SEZ6L: variants seen among roughly 807,000 people sequenced by gnomAD.
The protein encoded by SEZ6L is seizure related 6 homolog like.
SEZ6L carries 37 observed loss-of-function variants against 106.2 expected under a neutral mutation model. The ratio of observed to expected loss-of-function variants is 0.35; its 90% CI spans 0.27 to 0.46. SEZ6L has a LOEUF of 0.46. Among genes scored for constraint, SEZ6L ranks in the 20% least tolerant of loss-of-function variants. SEZ6L has a pLI of 1.00. For missense variants in SEZ6L, 1,172 were observed against 1,332.8 expected (o/e 0.88, Z 1.88); for synonymous variants, 541 against 570.4 (o/e 0.95, Z 0.73).
At chr22:26,333,347 C>G (rs938759226) in intron 9 of SEZ6L, among the ~76,000 whole-genome samples, 22 of 152,170 alleles carry the variant, frequency 1.4e-4, no homozygotes, top group African/African-American at 5.3e-4. Context: ...AAGGCATGGC[C>G]AACAAGAAGC....
intron 5 of SEZ6L, among the ~76,000 whole-genome samples, chr22:26,302,213 G>A (rs1028228157): frequency 2.6e-5 from 4 of 152,098 alleles, no homozygotes; most frequent in South Asian, 2.1e-4. Context: ...TGTGGTCCTC[G>A]GACTAGCAAA....
chr22:26,382,154 G>T lies in SEZ6L; in HGVS notation c.*1859G>T, dbSNP rs555314462. 2.2e-6 allele frequency: 1 copy of T among 450,636 alleles called. No homozygotes were observed. The allele number at this position is 450,636 out of a possible 1,614,324, so 27.9% of individuals were successfully genotyped here. On this transcript the variant is annotated 3_prime_UTR_variant, in exon 17 of 17. Transcript: ENST00000248933. ...CCATGGCAAGAAATAGCTAAAGGCT[G>T]CTTTCCAGGACCCAAAGCCCCATTT... is the stretch of plus-strand genomic sequence containing the variant.
At chr22:26,224,414 C>T (rs1747980773) in intron 1 of SEZ6L, among the ~76,000 whole-genome samples, 2 of 152,080 alleles carry the variant, frequency 1.3e-5, no homozygotes, top group South Asian at 4.1e-4. Flanking sequence ...TATGAGCTAT[C>T]AGAGAAGGAG....
At chr22:26,334,135 C>T (rs1049900101) in intron 9 of SEZ6L, among the ~76,000 whole-genome samples, 2 of 151,988 alleles carry the variant, frequency 1.3e-5, no homozygotes, top group Non-Finnish European at 2.9e-5. Context: ...ATACAACATA[C>T]AATTAGTCAT....
At chr22:26,218,281 A>G (rs1009862232) in intron 1 of SEZ6L, among the ~76,000 whole-genome samples, 1 of 152,142 alleles carries the variant, frequency 6.6e-6, no homozygotes, top group Non-Finnish European at 1.5e-5. Flanking sequence ...ACATGTGCAG[A>G]ACGTGCAGGT....
Position 26,310,735 on chromosome 22 carries a change from G to A in SEZ6L, c.1580G>A (p.Ser527Asn). ...CTCTACGACTCCCTTCAAACCGAGA[G>A]TGTCCCTTTTGAGGGCCTGCTGAGC... is the stretch of plus-strand genomic sequence containing the variant. Reference protein sequence around the residue: ...ALLYDSLQTESVPFEGLLSEG... With the variant: ...ALLYDSLQTENVPFEGLLSEG... The change falls in exon 7 of 17, where the codon AGT becomes AAT. Residue 527 changes from serine to asparagine, a missense_variant. By Grantham distance (46) the Ser-to-Asn change is conservative (BLOSUM62 1). This residue lies in a region of SEZ6L where 534 missense variants were observed against 691.0 expected (regional missense o/e 0.77). Transcript: ENST00000248933. The A allele has an allele frequency of 6.2e-7, 1 of 1,614,154 alleles. No homozygotes were observed. The highest frequency in any genetic ancestry group is 8.5e-7 in the Non-Finnish European group (1 of 1,180,026).
rs1254829703 is a variant in SEZ6L at position 26,351,128 on chromosome 22, C to A, written c.2484C>A (p.Thr828=). 1 of 1,614,210 alleles carries A rather than the reference C, an allele frequency of 6.2e-7. No individual in the cohort carries two copies. Among genetic ancestry groups the A allele is most frequent in the Non-Finnish European group, 8.5e-7 (1 of 1,180,048 alleles). The change falls in exon 12 of 17, where the codon ACC becomes ACA. Residue 828 remains threonine, a synonymous_variant. Coordinates refer to ENST00000248933, the MANE Select transcript of SEZ6L (RefSeq NM_021115.5). ...CGGATCCTGTGCTGCTGGTGGGGAC[C>A]ACCATCCAATACACCTGCAACCCCG... ...LISDPVLLVG[T]TIQYTCNPGF...
intron 9 of SEZ6L, among the ~76,000 whole-genome samples, chr22:26,333,849 T>C (rs2082564057): frequency 6.6e-6 from 1 of 150,390 alleles, no homozygotes; most frequent in Admixed American, 6.6e-5. Context: ...AACTAAGGGG[T>C]GGGTAGGAGT....
intron 9 of SEZ6L, among the ~76,000 whole-genome samples, chr22:26,318,594 TA>T (rs751641214): frequency 9.1e-4 from 139 of 152,322 alleles, no homozygotes; most frequent in Non-Finnish European, 1.8e-3. Context: ...TCATATAAGT[TA>T]AAAATAAATT....
intron 12 of SEZ6L, among the ~76,000 whole-genome samples, chr22:26,359,204 T>A (rs190765082): frequency 6.7e-4 from 102 of 152,266 alleles, no homozygotes; most frequent in African/African-American, 2.4e-3. Flanking sequence ...TGGGGAAAAA[T>A]TCCATATGAC....
chr22:26,255,449 T>G (rs1396086117), intron 1 of SEZ6L, among the ~76,000 whole-genome samples: 1 of 152,212 alleles, frequency 6.6e-6, no homozygotes, highest in African/African-American at 2.4e-5. Context: ...ACAAAGAAGA[T>G]GGCTAACACA....
At chr22:26,304,394 A>AAGAAAGAAAG (rs1210445473) in intron 5 of SEZ6L, among the ~76,000 whole-genome samples, 2 of 149,788 alleles carry the variant, frequency 1.3e-5, no homozygotes, top group East Asian at 3.9e-4. Flanking sequence ...GAAAGAAAGA[A>AAGAAAGAAAG]AGAAAGAAAG....
At chr22:26,292,298 C>A in intron 1 of SEZ6L, 108 bp from the exon 2 acceptor site, 2 of 802,312 alleles carry the variant, frequency 2.5e-6, no homozygotes, top group South Asian at 1.8e-5. Context: ...AGAGGCCAGC[C>A]GGACGAGCTT....
At chr22:26,234,962 G>A (rs2078914997) in intron 1 of SEZ6L, among the ~76,000 whole-genome samples, 1 of 152,192 alleles carries the variant, frequency 6.6e-6, no homozygotes, top group Non-Finnish European at 1.5e-5. Flanking sequence ...GCTGATACTG[G>A]GAGGAATTCA....
chr22:26,266,829 T>C (rs1263479595), intron 1 of SEZ6L, among the ~76,000 whole-genome samples: 3 of 151,888 alleles, frequency 2.0e-5, no homozygotes, highest in Non-Finnish European at 2.9e-5. Context: ...CAGAATTAAA[T>C]GCATAAAGCA....
chr22:26,224,261 G>A (rs987027461), intron 1 of SEZ6L, among the ~76,000 whole-genome samples: 1 of 152,202 alleles, frequency 6.6e-6, no homozygotes, highest in Non-Finnish European at 1.5e-5. Flanking sequence ...ATAACCAAGA[G>A]GGAGTTAGGG....
At chr22:26,293,470 A>G (rs2145885821) in intron 2 of SEZ6L, among the ~76,000 whole-genome samples, 1 of 152,304 alleles carries the variant, frequency 6.6e-6, no homozygotes, top group Admixed American at 6.5e-5. Flanking sequence ...AGCTGGGACT[A>G]CAAGCATGCA....
At chr22:26,286,745 CT>C (rs137200) in intron 1 of SEZ6L, among the ~76,000 whole-genome samples, 46,718 of 118,446 alleles carry the variant, frequency 0.39, 8,028 homozygotes, top group Non-Finnish European at 0.45. Flanking sequence ...AGAGCTTGTG[CT>C]TTTTTTTTTT....
chr22:26,358,750 G>T lies in SEZ6L; in HGVS notation c.2600-6622G>T, dbSNP rs141634521. On this transcript the variant is annotated intron_variant, in intron 12 of 16. Coordinates refer to ENST00000248933, the MANE Select transcript of SEZ6L (RefSeq NM_021115.5). ...CGACCAGTGGTTTTCAACCAGAGGC[G>T]ATTTTGCTTTCCAGGGGACATGTGT... Among the ~76,000 whole-genome samples, 860 of 152,254 alleles carry T rather than the reference G, an allele frequency of 5.6e-3. 2 individuals carry two copies. Among genetic ancestry groups the T allele is most frequent in the Non-Finnish European group, 9.7e-3 (659 of 68,018 alleles).
Sources: gnomAD v4.1 joint callset for allele counts (sites outside exome capture counted in the v4.1 genomes callset) on GRCh38, gnomAD v4.1.1 for gene constraint, gnomAD v4.1.1 regional missense constraint, MANE v1.5 for transcripts, NCBI Gene and HGNC (gene_info 2026-07-23, HGNC 2026-07-21) for gene names.